Variants in PLXNA4 observed in about 807,000 individuals in gnomAD.
PLXNA4 encodes the protein plexin A4, also known as plexin-A4.
A neutral mutation model predicts 191.8 loss-of-function variants in PLXNA4; 44 were observed. That is an observed-to-expected ratio of 0.23 (90% CI 0.18 to 0.29). The LOEUF (loss-of-function observed/expected upper bound fraction) is 0.29. Among genes scored for constraint, PLXNA4 ranks in the 10% least tolerant of loss-of-function variants. The pLI is 1.00. For synonymous variants in PLXNA4, 1,082 were observed against 1,009.5 expected, an observed-to-expected ratio of 1.07 and a Z score of -1.36; for missense variants, 1,800 against 2,488.8, an observed-to-expected ratio of 0.72 and a Z score of 5.89.
At chr7:132,576,980 CCGGCAGCCCGCGGCCGGCCGCGCCG>C (rs1168499872), upstream of PLXNA4, 3 of 146,158 alleles carry the variant, frequency 2.1e-5, no homozygotes, top group South Asian at 2.1e-4. This position sits in a 1 kb window ranked among gnomAD's most constrained non-coding sequence, Gnocchi z 5.8. Flanking sequence ...CGGCCGCCCC[CCGGCAGCCCGCGGCCGGCCGCGCCG>C]CGGCAGCCCC....
intron 1 of PLXNA4, among the ~76,000 whole-genome samples, chr7:132,542,511 T>A (rs936827004): frequency 3.9e-5 from 6 of 152,258 alleles, no homozygotes; most frequent in Non-Finnish European, 8.8e-5. Context: ...TGCTTAGAGT[T>A]TACAGACCTT....
intron 3 of PLXNA4, among the ~76,000 whole-genome samples, chr7:132,318,280 G>C (rs1279209064): frequency 6.6e-6 from 1 of 152,234 alleles, no homozygotes; most frequent in African/African-American, 2.4e-5. Context: ...TCACACCAGG[G>C]TCTGACCCTC....
At chr7:132,258,334 A>G (rs1799504264) in intron 4 of PLXNA4, among the ~76,000 whole-genome samples, 1 of 152,176 alleles carries the variant, frequency 6.6e-6, no homozygotes, top group African/African-American at 2.4e-5. Context: ...TCAGCTCCCT[A>G]TTAGATTTTC....
chr7:132,435,113 G>T (rs919034062), intron 3 of PLXNA4, among the ~76,000 whole-genome samples: 1 of 152,132 alleles, frequency 6.6e-6, no homozygotes, highest in African/African-American at 2.4e-5. Flanking sequence ...ACTCGAGCAG[G>T]AAGTATGTTT....
intron 1 of PLXNA4, among the ~76,000 whole-genome samples, chr7:132,575,547 G>A (rs887849015): frequency 2.6e-5 from 4 of 152,220 alleles, no homozygotes; most frequent in African/African-American, 7.2e-5. Context: ...CGGAGGCACC[G>A]GGGAAGGCAG....
chr7:132,162,356 A>G (rs1795976445), intron 24 of PLXNA4, among the ~76,000 whole-genome samples: 1 of 152,234 alleles, frequency 6.6e-6, no homozygotes, highest in African/African-American at 2.4e-5. Flanking sequence ...GTTCCCACCT[A>G]AATGGATACT....
intron 3 of PLXNA4, among the ~76,000 whole-genome samples, chr7:132,350,383 G>A (rs928515710): frequency 6.6e-6 from 1 of 152,158 alleles, no homozygotes; most frequent in African/African-American, 2.4e-5. Flanking sequence ...GTGCGCACCT[G>A]TAGTCCCAGC....
intron 2 of PLXNA4, among the ~76,000 whole-genome samples, chr7:132,599,360 T>C (rs73160204): frequency 0.24 from 35,772 of 152,142 alleles, 4,315 homozygotes; most frequent in East Asian, 0.27. Context: ...AAATCTATAT[T>C]TGAGCATAGC....
intron 1 of PLXNA4, among the ~76,000 whole-genome samples, chr7:132,548,775 G>C (rs1800422245): frequency 6.6e-6 from 1 of 152,204 alleles, no homozygotes; most frequent in Non-Finnish European, 1.5e-5. Context: ...CTTAGTCACA[G>C]GATGAGATAT....
At chr7:132,338,306 C>T (rs908394796) in intron 3 of PLXNA4, among the ~76,000 whole-genome samples, 1 of 152,178 alleles carries the variant, frequency 6.6e-6, no homozygotes, top group Admixed American at 6.5e-5. Context: ...CCTCTAAATG[C>T]GTAGATGAAA....
intron 3 of PLXNA4, among the ~76,000 whole-genome samples, chr7:132,354,969 C>T (rs1034328623): frequency 6.6e-6 from 1 of 152,190 alleles, no homozygotes; most frequent in African/African-American, 2.4e-5. Context: ...TGTTCAGGAT[C>T]CAAGTACTCC....
At chr7:132,148,732 T>C in intron 25 of PLXNA4, 86 bp from the exon 26 acceptor site, 1 of 1,578,420 alleles carries the variant, frequency 6.3e-7, no homozygotes, top group Non-Finnish European at 8.6e-7. Context: ...ACCTATGCAG[T>C]GCTAGCTCAA....
intron 4 of PLXNA4, among the ~76,000 whole-genome samples, 190 bp downstream of exon 4, chr7:132,297,901 T>G (rs1170240389): frequency 6.6e-6 from 1 of 152,218 alleles, no homozygotes; most frequent in Non-Finnish European, 1.5e-5. Context: ...TTTTAAATGT[T>G]TCTTTCCTGT....
At chr7:132,564,281 C>T (rs1439476689) in intron 1 of PLXNA4, among the ~76,000 whole-genome samples, 1 of 145,128 alleles carries the variant, frequency 6.9e-6, no homozygotes, top group African/African-American at 2.6e-5. Context: ...TTTTCCTCCT[C>T]CTCCTCCTTC....
At chr7:132,285,489 G>A (rs554113747) in intron 4 of PLXNA4, among the ~76,000 whole-genome samples, 6 of 152,220 alleles carry the variant, frequency 3.9e-5, no homozygotes, top group East Asian at 1.9e-4. Flanking sequence ...CATCGCATAC[G>A]TCTCTGAGTC....
intron 2 of PLXNA4, among the ~76,000 whole-genome samples, chr7:132,609,100 C>G (rs1802997071): frequency 6.6e-6 from 1 of 152,154 alleles, no homozygotes; most frequent in Non-Finnish European, 1.5e-5. Context: ...TGCCACAGCC[C>G]CCTCCGTCCC....
upstream of PLXNA4, among the ~76,000 whole-genome samples, chr7:132,578,623 AG>A (rs1258780755): frequency 3.9e-5 from 6 of 152,128 alleles, no homozygotes; most frequent in Admixed American, 6.5e-5. Flanking sequence ...CGGCACATAT[AG>A]GTCAGGCTTG....
Position 132,512,518 on chromosome 7 carries a change from G to T in PLXNA4, c.-86-3739C>A, listed in dbSNP as rs79469500. Among the ~76,000 whole-genome samples, 881 of 152,240 alleles carry T rather than the reference G, an allele frequency of 5.8e-3. 9 individuals are homozygous for T. Among genetic ancestry groups the T allele is most frequent in the African/African-American group, 0.021 (860 of 41,520 alleles). On this transcript the variant is annotated intron_variant, in intron 1 of 31. Transcript: ENST00000321063. ...GCCCACAGAAACAATAACATGTACT[G>T]GGAATAACCAGCCTTTCATTTTACA... is the stretch of plus-strand genomic sequence containing the variant.
At chr7:132,164,795 G>C (rs564609391) in intron 23 of PLXNA4, among the ~76,000 whole-genome samples, 3 of 152,388 alleles carry the variant, frequency 2.0e-5, no homozygotes, top group East Asian at 1.9e-4. Context: ...TAAGTCTGGG[G>C]CTGGGAGAGG....
Sources: gnomAD v4.1 joint callset for allele counts (sites outside exome capture counted in the v4.1 genomes callset) on GRCh38, gnomAD v4.1.1 for gene constraint, Gnocchi (gnomAD v3.1) non-coding constraint, MANE v1.5 for transcripts, NCBI Gene and HGNC (gene_info 2026-07-23, HGNC 2026-07-21) for gene names.